RAD21: variants seen among roughly 807,000 people sequenced by gnomAD.
RAD21 encodes double-strand-break repair protein rad21 homolog.
RAD21 carries 18 observed loss-of-function variants against 71.5 expected under a neutral mutation model. The observed-to-expected ratio is 0.25, with a 90% CI of 0.17 to 0.37. The LOEUF is 0.37. Ranked by LOEUF, RAD21 falls within the 10% of genes least tolerant of loss-of-function variation. RAD21 has a pLI of 1.00. For synonymous variants in RAD21, 248 were observed against 254.0 expected, an observed-to-expected ratio of 0.98 and a Z score of 0.22; for missense variants, 493 against 769.1, an observed-to-expected ratio of 0.64 and a Z score of 4.25.
intron 12 of RAD21, among the ~76,000 whole-genome samples, chr8:116,850,205 CA>C (rs774596370): frequency 7.0e-4 from 106 of 152,214 alleles, no homozygotes; most frequent in Admixed American, 1.0e-3. Context: ...AAAAGAAAAA[CA>C]AAAACAAAAC....
rs1406791953 is a variant in RAD21, at chr8:116,861,840, C to T, written c.374+1G>A. 1 of 1,603,488 alleles carries T rather than the reference C, an allele frequency of 6.2e-7. No homozygotes were observed. The highest frequency in any genetic ancestry group is 8.5e-7 in the Non-Finnish European group (1 of 1,171,200). ...AATTTTTTTTAAAAGAAGACACATACTCTAAGTCAGGCAGTGGCTGATCAA... is the reference window on the plus strand; with the variant it reads ...AATTTTTTTTAAAAGAAGACACATATTCTAAGTCAGGCAGTGGCTGATCAA... On this transcript the variant is annotated splice_donor_variant, in intron 4 of 13. Coordinates refer to ENST00000297338, the MANE Select transcript of RAD21 (RefSeq NM_006265.3). LOFTEE classifies it high-confidence loss of function.
chr8:116,868,342 T>A (rs1427948619), intron 1 of RAD21, among the ~76,000 whole-genome samples: 1 of 152,246 alleles, frequency 6.6e-6, no homozygotes, highest in Non-Finnish European at 1.5e-5. Context: ...TCCCTTTTAC[T>A]GTTGGACAGC....
intron 5 of RAD21, 55 bp downstream of exon 5, chr8:116,858,297 T>C: frequency 1.5e-6 from 2 of 1,334,772 alleles, no homozygotes; most frequent in East Asian, 2.3e-5. Flanking sequence ...GAAATTGCTA[T>C]TAGCAACACA....
chr8:116,849,686 A>AT (rs1309150929), intron 12 of RAD21, among the ~76,000 whole-genome samples: 1 of 152,218 alleles, frequency 6.6e-6, no homozygotes, highest in Non-Finnish European at 1.5e-5. Context: ...GTGAAACTAT[A>AT]TACCAGCCAT....
In RAD21 at chr8:116,856,700, T is replaced by A. The variant is rs1236041458; in HGVS notation, c.760A>T (p.Met254Leu). 2 of 1,594,136 alleles carry A rather than the reference T, an allele frequency of 1.3e-6. No homozygotes were observed. Among genetic ancestry groups the A allele is most frequent in the Non-Finnish European group, 1.7e-6 (2 of 1,169,778 alleles). ...TCATGTGCAGGCTGCTCTGGCAACA[T>A]CACCCCTGCCTCAGAGAGGGCAGGG... is the stretch of plus-strand genomic sequence containing the variant. ...DPPALSEAGV[M>L]LPEQPAHDDM... The change falls in exon 7 of 14, where the codon ATG becomes TTG. Residue 254 changes from methionine to leucine, a missense_variant. Transcript: ENST00000297338.
intron 5 of RAD21, 76 bp downstream of exon 5, chr8:116,858,275 TG>T: frequency 1.8e-6 from 2 of 1,111,080 alleles, no homozygotes; most frequent in Non-Finnish European, 2.7e-6. Context: ...GTCTATAGTC[TG>T]GTTTTCTTTT....
At chr8:116,862,778 T>G (rs1187626231) in intron 3 of RAD21, among the ~76,000 whole-genome samples, 3 of 152,168 alleles carry the variant, frequency 2.0e-5, no homozygotes, top group African/African-American at 7.2e-5. Flanking sequence ...TAAAATTGTC[T>G]TTTCTGAGCT....
At chr8:116,870,198 G>A (rs1177668283) in intron 1 of RAD21, among the ~76,000 whole-genome samples, 1 of 152,102 alleles carries the variant, frequency 6.6e-6, no homozygotes, top group Non-Finnish European at 1.5e-5. Flanking sequence ...ACTGTCTAAT[G>A]TTGTAAACTC....
At chr8:116,860,375 T>C (rs538334894) in intron 4 of RAD21, among the ~76,000 whole-genome samples, 1 of 152,170 alleles carries the variant, frequency 6.6e-6, no homozygotes, top group Non-Finnish European at 1.5e-5. Context: ...GGTAAAACGC[T>C]ATCGGGTAGC....
chr8:116,865,413 A>C (rs977154793), intron 2 of RAD21, among the ~76,000 whole-genome samples: 3 of 148,514 alleles, frequency 2.0e-5, no homozygotes, highest in African/African-American at 7.6e-5. Flanking sequence ...TTTTCCATTA[A>C]CTTATCCCAG....
chr8:116,850,262 C>T (rs2130455170), intron 12 of RAD21, among the ~76,000 whole-genome samples: 1 of 152,236 alleles, frequency 6.6e-6, no homozygotes, highest in African/African-American at 2.4e-5. Flanking sequence ...CAGGCCACCA[C>T]AGATACAGAA....
chr8:116,852,181 C>T, intron 10 of RAD21, 85 bp from the exon 11 acceptor site: 5 of 1,194,760 alleles, frequency 4.2e-6, no homozygotes, highest in Non-Finnish European at 5.7e-6. Flanking sequence ...AACTAGTACA[C>T]TAAGACATAC....
At chr8:116,863,536 C>T (rs1007988181) in intron 2 of RAD21, among the ~76,000 whole-genome samples, 2 of 152,064 alleles carry the variant, frequency 1.3e-5, no homozygotes, top group African/African-American at 4.8e-5. Flanking sequence ...GTTGCCAATC[C>T]AGGGCCATTG....
intron 1 of RAD21, chr8:116,874,236 G>C (rs552879723): frequency 1.5e-4 from 23 of 152,198 alleles, no homozygotes; most frequent in African/African-American, 5.6e-4. Context: ...TCCCCAGAGC[G>C]GGCTCGTTCA....
intron 1 of RAD21, among the ~76,000 whole-genome samples, chr8:116,869,729 A>G (rs757890092): frequency 3.3e-5 from 5 of 152,246 alleles, no homozygotes; most frequent in East Asian, 1.9e-4. Flanking sequence ...CACACTTAAT[A>G]TAAGAGCTAA....
chr8:116,852,770 A>G, intron 9 of RAD21, 62 bp from the exon 10 acceptor site: 1 of 1,205,046 alleles, frequency 8.3e-7, no homozygotes, highest in Non-Finnish European at 1.1e-6. Context: ...AAAAGTCACC[A>G]CTGATTTCTA....
intron 4 of RAD21, among the ~76,000 whole-genome samples, chr8:116,860,986 CAT>C (rs1812580852): frequency 6.6e-6 from 1 of 152,018 alleles, no homozygotes; most frequent in Non-Finnish European, 1.5e-5. Context: ...GAATAACTGA[CAT>C]ATAAGGTTCA....
intron 4 of RAD21, among the ~76,000 whole-genome samples, chr8:116,858,694 T>C (rs1586269635): frequency 6.6e-6 from 1 of 152,266 alleles, no homozygotes; most frequent in East Asian, 1.9e-4. Context: ...CAATGTAATA[T>C]GCAGAAGTCA....
intron 1 of RAD21, among the ~76,000 whole-genome samples, chr8:116,867,642 T>A (rs547863022): frequency 2.2e-4 from 33 of 152,374 alleles, no homozygotes; most frequent in African/African-American, 7.5e-4. Context: ...AAAACAAATC[T>A]ATTGTTCTGA....
Sources: gnomAD v4.1 joint callset for allele counts (sites outside exome capture counted in the v4.1 genomes callset) on GRCh38, gnomAD v4.1.1 for gene constraint, MANE v1.5 for transcripts, NCBI Gene and HGNC (gene_info 2026-07-23, HGNC 2026-07-21) for gene names.